KIF21A: variants seen among roughly 807,000 people sequenced by gnomAD.
The protein encoded by KIF21A is kinesin-like protein KIF21A.
KIF21A carries 114 observed loss-of-function variants against 202.9 expected under a neutral mutation model. The ratio of observed to expected loss-of-function variants is 0.56; its 90% confidence interval spans 0.48 to 0.66. KIF21A has a LOEUF of 0.66. KIF21A is among the 30% of genes least tolerant of loss of function. The pLI, the probability that KIF21A is intolerant of heterozygous loss-of-function variation, is 0.00. For synonymous variants in KIF21A, 667 were observed against 670.8 expected (o/e 0.99, Z 0.09); for missense variants, 1,677 against 1,994.9 (o/e 0.84, Z 3.04).
intron 1 of KIF21A, among the ~76,000 whole-genome samples, chr12:39,435,376 G>A (rs1326613854): frequency 6.6e-6 from 1 of 152,178 alleles, no homozygotes; most frequent in African/African-American, 2.4e-5. Flanking sequence ...ATTTCAGAGG[G>A]AGAGAAAGAA....
At chr12:39,421,846 A>G (rs1054259453) in intron 1 of KIF21A, among the ~76,000 whole-genome samples, 2 of 146,494 alleles carry the variant, frequency 1.4e-5, no homozygotes, top group South Asian at 2.1e-4. Context: ...ATAATTACAT[A>G]TATAATTTAT....
chr12:39,365,143 C>T, intron 6 of KIF21A, among the ~76,000 whole-genome samples: 1 of 152,124 alleles, frequency 6.6e-6, no homozygotes, highest in East Asian at 1.9e-4. Flanking sequence ...TATGATTTAA[C>T]CTCCACTCCC....
rs1292555956 is a variant in KIF21A at position 39,332,586 on chromosome 12, C to T, written c.2856+5G>A. ...GGGAGCGTATCTACTCTCTATTTTCCACACCTTGAGGAGTCTATTCATATC... is the reference window on the plus strand; with the variant it reads ...GGGAGCGTATCTACTCTCTATTTTCTACACCTTGAGGAGTCTATTCATATC... On this transcript the variant is annotated splice_donor_5th_base_variant and intron_variant, in intron 20 of 37. Coordinates refer to ENST00000361418, the MANE Select transcript of KIF21A (RefSeq NM_001173464.2). 6.8e-6 allele frequency: 11 copies of T among 1,606,546 alleles called. No homozygotes were observed. Among genetic ancestry groups the T allele is most frequent in the Non-Finnish European group, 8.5e-6 (10 of 1,177,834 alleles).
At chr12:39,347,428 G>T (rs1228726002) in intron 11 of KIF21A, among the ~76,000 whole-genome samples, 2 of 151,886 alleles carry the variant, frequency 1.3e-5, no homozygotes, top group Non-Finnish European at 2.9e-5. Flanking sequence ...AGACAGATGT[G>T]CTAGGCTCTG....
chr12:39,314,515 A>G (rs1255192347), intron 31 of KIF21A, among the ~76,000 whole-genome samples: 4 of 151,864 alleles, frequency 2.6e-5, no homozygotes, highest in African/African-American at 7.2e-5. Context: ...CAGAAAATAT[A>G]TATGTATATA....
chr12:39,356,859 C>G lies in KIF21A; in HGVS notation c.1442G>C (p.Ser481Thr). 8.0e-7 allele frequency: 1 copy of G among 1,257,620 alleles called. No homozygotes were observed. The highest frequency in any genetic ancestry group is 1.2e-6 in the Non-Finnish European group (1 of 858,404). 77.9% of individuals were successfully genotyped at this position (1,257,620 alleles called of 1,614,324 possible). The change falls in exon 10 of 38, where the codon AGT becomes ACT. Residue 481 changes from serine to threonine, a missense_variant. By Grantham distance (58) the Ser-to-Thr change is moderately conservative. Coordinates refer to ENST00000361418, the MANE Select transcript of KIF21A (RefSeq NM_001173464.2). Reference protein sequence around the residue: ...GNEEISNMIHSYIKEIEDLRA... With the variant: ...GNEEISNMIHTYIKEIEDLRA... ...GAGATCTTCGATTTCTTTTATATAA[C>G]TATGAATCATATTACTAATCTCCTC...
intron 34 of KIF21A, among the ~76,000 whole-genome samples, chr12:39,307,030 T>C (rs1166117302): frequency 6.6e-6 from 1 of 152,236 alleles, no homozygotes; most frequent in African/African-American, 2.4e-5. Context: ...AAAAATTGAA[T>C]GAAAGATGTA....
rs751813280 is a variant in KIF21A, at chr12:39,319,860, C to G, written c.3779+46G>C. On this transcript the variant is annotated intron_variant, in intron 28 of 37. Coordinates refer to ENST00000361418, the MANE Select transcript of KIF21A (RefSeq NM_001173464.2). ...GATTATCTTTAGCATCTAAGTGCAGCAGGCATTTAATACAGTCTAGCAGGT... is the reference window on the plus strand; with the variant it reads ...GATTATCTTTAGCATCTAAGTGCAGGAGGCATTTAATACAGTCTAGCAGGT... 13 of 1,057,722 alleles carry G rather than the reference C, an allele frequency of 1.2e-5. No individual in the cohort carries two copies. In the African/African-American group the frequency reaches 1.9e-4, roughly 15 times the overall value. 65.5% of individuals were successfully genotyped at this position (1,057,722 alleles called of 1,614,324 possible).
chr12:39,294,817 G>C (rs1053670653), intron 37 of KIF21A, among the ~76,000 whole-genome samples: 19 of 152,126 alleles, frequency 1.2e-4, no homozygotes, highest in African/African-American at 3.6e-4. Flanking sequence ...TTTTATTGAA[G>C]AGCTAATTGA....
chr12:39,390,440 G>A (rs1472159610), intron 1 of KIF21A, among the ~76,000 whole-genome samples: 1 of 152,082 alleles, frequency 6.6e-6, no homozygotes, highest in Non-Finnish European at 1.5e-5. Context: ...ATTACTGGAT[G>A]TTAGATTTTA....
At chr12:39,299,259 A>T (rs1254506581) in intron 37 of KIF21A, among the ~76,000 whole-genome samples, 1 of 152,176 alleles carries the variant, frequency 6.6e-6, no homozygotes, top group Non-Finnish European at 1.5e-5. Context: ...AAACAAATTT[A>T]TCAGGAAAAA....
chr12:39,430,056 A>C (rs1190156359), intron 1 of KIF21A, among the ~76,000 whole-genome samples: 3 of 152,044 alleles, frequency 2.0e-5, no homozygotes, highest in Non-Finnish European at 4.4e-5. Context: ...TGTGATTCTA[A>C]AGTCCATGCT....
At chr12:39,340,020 C>T in intron 16 of KIF21A, 145 bp downstream of exon 16, 1 of 680,376 alleles carries the variant, frequency 1.5e-6, no homozygotes, top group South Asian at 2.0e-5. Context: ...GAAACAACTT[C>T]TAATTGCCAA....
At chr12:39,436,373 CT>C (rs1191627013) in intron 1 of KIF21A, among the ~76,000 whole-genome samples, 2 of 145,350 alleles carry the variant, frequency 1.4e-5, no homozygotes, top group African/African-American at 5.1e-5. Flanking sequence ...TTCAAGATCC[CT>C]TTCAACTTTA....
At chr12:39,343,222 T>G (rs973742677) in intron 12 of KIF21A, among the ~76,000 whole-genome samples, 3 of 152,028 alleles carry the variant, frequency 2.0e-5, no homozygotes, top group Admixed American at 6.6e-5. Flanking sequence ...CAGCCTGGCA[T>G]AGTGACGCAC....
intron 1 of KIF21A, among the ~76,000 whole-genome samples, chr12:39,390,338 G>T (rs1201862110): frequency 6.6e-6 from 1 of 152,116 alleles, no homozygotes; most frequent in Non-Finnish European, 1.5e-5. Flanking sequence ...AATGGAAGGA[G>T]AAAATTCTGG....
intron 1 of KIF21A, among the ~76,000 whole-genome samples, chr12:39,385,244 TGG>T (rs755980746): frequency 1.1e-4 from 16 of 151,822 alleles, no homozygotes; most frequent in Middle Eastern, 3.4e-3. Flanking sequence ...GTGAAGGCAG[TGG>T]GCTGAGGAAG....
chr12:39,412,500 C>T (rs1001862941), intron 1 of KIF21A, among the ~76,000 whole-genome samples: 30 of 152,042 alleles, frequency 2.0e-4, no homozygotes, highest in African/African-American at 7.0e-4. Context: ...GCAGATCGCT[C>T]GAGCTCAGGA....
intron 37 of KIF21A, among the ~76,000 whole-genome samples, chr12:39,297,660 G>A (rs966321431): frequency 5.3e-5 from 8 of 150,314 alleles, no homozygotes; most frequent in African/African-American, 1.2e-4. Context: ...TGAGTGCAGC[G>A]CACCAGCATG....
Sources: gnomAD v4.1 joint callset for allele counts (sites outside exome capture counted in the v4.1 genomes callset) on GRCh38, gnomAD v4.1.1 for gene constraint, MANE v1.5 for transcripts, NCBI Gene and HGNC (gene_info 2026-07-23, HGNC 2026-07-21) for gene names.